The following GRIK2 variants were observed in gnomAD, a reference collection of about 807,000 sequenced individuals.
GRIK2 encodes glutamate receptor ionotropic, kainate 2.
GRIK2 carries 32 observed loss-of-function variants against 100.3 expected under a neutral mutation model. The observed-to-expected ratio is 0.32, with a 90% CI of 0.24 to 0.43. The LOEUF (loss-of-function observed/expected upper bound fraction) is 0.43. Among genes scored for constraint, GRIK2 ranks in the 20% least tolerant of loss-of-function variants. GRIK2 has a pLI of 1.00. For missense variants in GRIK2, 843 were observed against 1,114.9 expected, an observed-to-expected ratio of 0.76 and a Z score of 3.47; for synonymous variants, 417 against 389.4, an observed-to-expected ratio of 1.07 and a Z score of -0.83.
At chr6:101,602,049 T>C (rs1455477493) in intron 2 of GRIK2, among the ~76,000 whole-genome samples, 1 of 151,750 alleles carries the variant, frequency 6.6e-6, no homozygotes, top group African/African-American at 2.4e-5. Flanking sequence ...CATTTTGAGG[T>C]AGGTGTTTAG....
intron 11 of GRIK2, among the ~76,000 whole-genome samples, chr6:101,878,795 G>T (rs9498734): frequency 2.8e-4 from 42 of 151,860 alleles, no homozygotes; most frequent in African/African-American, 9.9e-4. Context: ...TGCTCATTCC[G>T]TAGCTCTGCC....
rs559963471 is a variant in GRIK2, at chr6:101,660,640, C to G, written c.542-15983C>G. Among the ~76,000 whole-genome samples the G allele has an allele frequency of 1.4e-3, 215 of 152,206 alleles. 2 individuals carry two copies. The highest frequency in any genetic ancestry group is 3.1e-3 in the South Asian group (15 of 4,822). ...TACCTTTGGTGTCTGATGTTGGTGA[C>G]CTTCTGATGGAGTTTTTGTGTGGAC... is the stretch of plus-strand genomic sequence containing the variant. On this transcript the variant is annotated intron_variant, in intron 4 of 16. Transcript: ENST00000369134.
intron 15 of GRIK2, among the ~76,000 whole-genome samples, chr6:102,040,741 T>C (rs1446172677): frequency 6.6e-6 from 1 of 151,596 alleles, no homozygotes; most frequent in East Asian, 1.9e-4. Context: ...CAATTTATGA[T>C]ATAATAAGTA....
chr6:102,063,893 T>C, intron 16 of GRIK2: 1 of 694,268 alleles, frequency 1.4e-6, no homozygotes, highest in Non-Finnish European at 2.6e-6. Flanking sequence ...TGAATTTTAT[T>C]AAGAGTTTTA....
chr6:101,417,023 T>C (rs764975505), intron 2 of GRIK2, among the ~76,000 whole-genome samples: 1 of 152,162 alleles, frequency 6.6e-6, no homozygotes, highest in Non-Finnish European at 1.5e-5. Context: ...TAAGACTGGG[T>C]AATTTATAAA....
intron 13 of GRIK2, among the ~76,000 whole-genome samples, chr6:101,925,705 T>C (rs6939351): frequency 0.013 from 2,045 of 152,032 alleles, 58 homozygotes; most frequent in African/African-American, 0.047. Context: ...AAGGTTTGAT[T>C]TTAAGTTTTT....
intron 7 of GRIK2, among the ~76,000 whole-genome samples, chr6:101,721,941 T>C (rs1285882384): frequency 1.3e-5 from 2 of 151,894 alleles, no homozygotes; most frequent in Non-Finnish European, 2.9e-5. Context: ...CACTTAGGCC[T>C]TTTTTTCCGA....
chr6:101,731,306 C>A (rs1008215708), intron 7 of GRIK2, among the ~76,000 whole-genome samples: 6 of 151,862 alleles, frequency 4.0e-5, no homozygotes, highest in African/African-American at 1.5e-4. Flanking sequence ...ACAAAGGGAA[C>A]GACCATCAAA....
At chr6:101,911,153 A>G (rs1279486738) in intron 12 of GRIK2, among the ~76,000 whole-genome samples, 1 of 151,490 alleles carries the variant, frequency 6.6e-6, no homozygotes, top group Admixed American at 6.6e-5. Flanking sequence ...TGGAAAAGTC[A>G]GAGCTAGTTT....
intron 2 of GRIK2, among the ~76,000 whole-genome samples, chr6:101,576,126 G>C (rs767001833): frequency 2.3e-4 from 35 of 152,006 alleles, no homozygotes; most frequent in East Asian, 5.8e-4. Flanking sequence ...CATGTATATT[G>C]GGGTGTTTCT....
At chr6:101,655,941 T>C (rs988579330) in intron 4 of GRIK2, among the ~76,000 whole-genome samples, 23 of 151,026 alleles carry the variant, frequency 1.5e-4, no homozygotes, top group African/African-American at 5.3e-4. Flanking sequence ...TCTCTCATCT[T>C]ATTAGGACTG....
At chr6:101,451,649 C>T (rs890775456) in intron 2 of GRIK2, among the ~76,000 whole-genome samples, 5 of 148,684 alleles carry the variant, frequency 3.4e-5, no homozygotes, top group Non-Finnish European at 7.4e-5. Context: ...ATTTTGTGAA[C>T]CTGAACAAAT....
At chr6:101,823,694 G>A (rs1782112165) in intron 10 of GRIK2, among the ~76,000 whole-genome samples, 1 of 152,100 alleles carries the variant, frequency 6.6e-6, no homozygotes, top group South Asian at 2.1e-4. Context: ...GTAGTAGAGA[G>A]ATTTTAAAGT....
At chr6:101,775,850 G>A (rs1404926257) in intron 7 of GRIK2, among the ~76,000 whole-genome samples, 1 of 151,644 alleles carries the variant, frequency 6.6e-6, no homozygotes, top group Non-Finnish European at 1.5e-5. Flanking sequence ...GAGAGATGTG[G>A]TCTTACTTTG....
chr6:102,048,064 C>T (rs893172940), intron 15 of GRIK2, among the ~76,000 whole-genome samples: 10 of 125,588 alleles, frequency 8.0e-5, no homozygotes, highest in African/African-American at 2.7e-4. Flanking sequence ...GAAATGAACC[C>T]ACACTGTATG....
In GRIK2 at chr6:101,399,054, G is replaced by A. The variant is rs183231054; in HGVS notation, c.-224G>A. 4.2e-6 allele frequency: 2 copies of A among 480,396 alleles called. No homozygotes were observed. The highest frequency in any genetic ancestry group is 7.4e-6 in the Non-Finnish European group (2 of 271,306). The allele number at this position is 480,396 out of a possible 1,614,324, so 29.8% of individuals were successfully genotyped here. On this transcript the variant is annotated 5_prime_UTR_variant, in exon 2 of 17. The change abolishes an upstream ATG in the 5' untranslated region. Transcript: ENST00000369134. Reference sequence around the variant, plus strand: ...CGGATGCTCTCCGACTAACATGGATGTCCCACCATTCCTTGCAGTGGAAGG... The same window carrying A: ...CGGATGCTCTCCGACTAACATGGATATCCCACCATTCCTTGCAGTGGAAGG...
rs570142817 is a variant in GRIK2, at chr6:101,794,362, G to A, written c.952-5286G>A. Among the ~76,000 whole-genome samples the A allele has an allele frequency of 9.0e-4, 137 of 151,886 alleles. 1 individual carries two copies. The highest frequency in any genetic ancestry group is 2.1e-3 in the South Asian group (10 of 4,806). Reference sequence around the variant, plus strand: ...TATTCGGTCATCTTGGCTTCTCCCCGAGATGAATTTCTTGTAGGCAGTATA... The same window carrying A: ...TATTCGGTCATCTTGGCTTCTCCCCAAGATGAATTTCTTGTAGGCAGTATA... On this transcript the variant is annotated intron_variant, in intron 7 of 16. Coordinates refer to ENST00000369134, the MANE Select transcript of GRIK2 (RefSeq NM_021956.5).
chr6:101,740,070 C>T lies in GRIK2; in HGVS notation c.951+53717C>T, dbSNP rs561884930. Among the ~76,000 whole-genome samples, 14 of 152,308 alleles carry T rather than the reference C, an allele frequency of 9.2e-5. No homozygotes were observed. In the South Asian group the frequency reaches 1.9e-3, roughly 20 times the overall value. ...AATGATATGGTGGAGAAAGGGAAAG[C>T]GATTGCCTGAGTTGAGAATTCATGT... is the stretch of plus-strand genomic sequence containing the variant. On this transcript the variant is annotated intron_variant, in intron 7 of 16. Transcript: ENST00000369134.
At chr6:101,773,906 TACA>T (rs1041791577) in intron 7 of GRIK2, among the ~76,000 whole-genome samples, 22 of 152,200 alleles carry the variant, frequency 1.4e-4, no homozygotes, top group South Asian at 6.2e-4. Context: ...AAGTTGCTAC[TACA>T]ATTATTGTAG....
Sources: allele counts gnomAD v4.1 joint callset (sites outside exome capture counted in the v4.1 genomes callset), GRCh38; gene constraint gnomAD v4.1.1; transcripts MANE v1.5; gene names NCBI Gene and HGNC (gene_info 2026-07-23, HGNC 2026-07-21).